HEMK2: variants seen among roughly 807,000 people sequenced by gnomAD.
HEMK2 encodes HemK methyltransferase 2, ETF1 glutamine and histone H4 lysine, also known as methyltransferase HEMK2.
chr21:28,756,998 G>A, the HEMK2 span, among the ~76,000 whole-genome samples: 1 of 152,132 alleles, frequency 6.6e-6, no homozygotes, highest in African/African-American at 2.4e-5. Flanking sequence ...TCATCATGTT[G>A]TACATGGAAT....
chr21:28,771,022 C>T, the HEMK2 span, among the ~76,000 whole-genome samples: 12 of 152,160 alleles, frequency 7.9e-5, no homozygotes, highest in East Asian at 5.8e-4. Flanking sequence ...CACACACACG[C>T]GCAACTTACT....
At chr21:28,611,969 C>T in the HEMK2 span, among the ~76,000 whole-genome samples, 1 of 148,068 alleles carries the variant, frequency 6.8e-6, no homozygotes, top group African/African-American at 2.5e-5. Context: ...GACGAATTCA[C>T]AGCTAAATTC....
At chr21:28,841,179 A>ATATAT in the HEMK2 span, among the ~76,000 whole-genome samples, 1 of 20,536 alleles carries the variant, frequency 4.9e-5, no homozygotes, top group African/African-American at 3.7e-4. Flanking sequence ...TAATATATAA[A>ATATAT]TATATATTAT....
At chr21:28,630,180 CT>C in the HEMK2 span, among the ~76,000 whole-genome samples, 1 of 127,240 alleles carries the variant, frequency 7.9e-6, no homozygotes, top group Admixed American at 9.6e-5. Context: ...CATTAACTTT[CT>C]TTTTTTTCAC....
the HEMK2 span, chr21:28,876,342 T>C: frequency 3.1e-4 from 413 of 1,330,268 alleles, 2 homozygotes; most frequent in Non-Finnish European, 4.1e-4. Flanking sequence ...CAAAATATGC[T>C]AAATGCATTC....
the HEMK2 span, among the ~76,000 whole-genome samples, chr21:28,730,647 T>A: frequency 0.36 from 54,147 of 151,832 alleles, 11,090 homozygotes; most frequent in African/African-American, 0.56. Flanking sequence ...CTTGGAGACG[T>A]GAGTCCTTGC....
At chr21:28,704,805 A>G in the HEMK2 span, among the ~76,000 whole-genome samples, 2 of 152,190 alleles carry the variant, frequency 1.3e-5, no homozygotes, top group African/African-American at 4.8e-5. Context: ...GTTGATGACA[A>G]AGTATACAAG....
At chr21:28,595,768 T>C in the HEMK2 span, among the ~76,000 whole-genome samples, 1 of 135,376 alleles carries the variant, frequency 7.4e-6, no homozygotes, top group South Asian at 2.5e-4. Flanking sequence ...TCTTATTTTA[T>C]TTTACTTTAT....
the HEMK2 span, among the ~76,000 whole-genome samples, chr21:28,655,211 C>T: frequency 6.6e-6 from 1 of 151,990 alleles, no homozygotes; most frequent in African/African-American, 2.4e-5. Flanking sequence ...GTCCCCTCCT[C>T]TATTTGTCTA....
chr21:28,677,455 G>C, the HEMK2 span, among the ~76,000 whole-genome samples: 1 of 152,230 alleles, frequency 6.6e-6, no homozygotes, highest in Non-Finnish European at 1.5e-5. Flanking sequence ...TGGCTCTGTA[G>C]ACTCCACCTC....
the HEMK2 span, among the ~76,000 whole-genome samples, chr21:28,624,604 G>T: frequency 6.6e-6 from 1 of 152,144 alleles, no homozygotes; most frequent in African/African-American, 2.4e-5. Context: ...AGTCTGTTTT[G>T]TATCAGGCTC....
the HEMK2 span, among the ~76,000 whole-genome samples, chr21:28,688,663 A>G: frequency 2.0e-5 from 3 of 152,178 alleles, no homozygotes; most frequent in Non-Finnish European, 4.4e-5. Flanking sequence ...ATCAGAGCTG[A>G]GAGAAGAATT....
the HEMK2 span, among the ~76,000 whole-genome samples, chr21:28,644,221 A>G: frequency 2.0e-5 from 3 of 152,234 alleles, no homozygotes; most frequent in African/African-American, 7.2e-5. Flanking sequence ...CTTCGTCACA[A>G]GGTGGCAGGA....
At chr21:28,716,652 G>A in the HEMK2 span, among the ~76,000 whole-genome samples, 77 of 152,084 alleles carry the variant, frequency 5.1e-4, no homozygotes, top group African/African-American at 1.6e-3. Context: ...TAGGACTTCC[G>A]GTACTATGCA....
chr21:28,734,290 T>C, the HEMK2 span, among the ~76,000 whole-genome samples: 1 of 152,234 alleles, frequency 6.6e-6, no homozygotes, highest in African/African-American at 2.4e-5. Context: ...TTTATAAATA[T>C]ACGTTTTAAA....
the HEMK2 span, chr21:28,670,909 T>C: frequency 6.6e-6 from 1 of 152,202 alleles, no homozygotes; most frequent in Non-Finnish European, 1.5e-5. Flanking sequence ...CATGATCCAA[T>C]CACCTCCCAC....
the HEMK2 span, among the ~76,000 whole-genome samples, chr21:28,659,963 T>A: frequency 6.6e-6 from 1 of 152,068 alleles, no homozygotes; most frequent in African/African-American, 2.4e-5. Context: ...AGCTTTCTAT[T>A]TATTAGATCC....
the HEMK2 span, among the ~76,000 whole-genome samples, chr21:28,845,099 C>G: frequency 1.3e-5 from 2 of 151,978 alleles, no homozygotes; most frequent in African/African-American, 4.8e-5. Flanking sequence ...TTTATTTTGA[C>G]CATGTAAGCT....
the HEMK2 span, among the ~76,000 whole-genome samples, chr21:28,717,298 T>C: frequency 6.6e-6 from 1 of 152,030 alleles, no homozygotes; most frequent in African/African-American, 2.4e-5. Context: ...CAGAGCTCAT[T>C]ACTGGTATTA....
Sources: gnomAD v4.1 joint callset for allele counts (sites outside exome capture counted in the v4.1 genomes callset) on GRCh38, gnomAD v4.1.1 for gene constraint, MANE v1.5 for transcripts, NCBI Gene and HGNC (gene_info 2026-07-23, HGNC 2026-07-21) for gene names.